The following VPS35 variants were observed in gnomAD, a reference collection of about 807,000 sequenced individuals.
The protein encoded by VPS35 is VPS35 retromer complex component.
Under a neutral mutation model 98.1 loss-of-function variants are expected in VPS35, and 21 were observed. The ratio of observed to expected loss-of-function variants is 0.21; its 90% confidence interval spans 0.15 to 0.31. VPS35 has a LOEUF of 0.31. Among genes scored for constraint, VPS35 ranks in the 10% least tolerant of loss-of-function variants. The probability of loss-of-function intolerance (pLI) is 1.00; values close to 1 mark genes in which losing one functional copy is unlikely to be tolerated. For synonymous variants in VPS35, 268 were observed against 318.2 expected (o/e 0.84, Z 1.68); for missense variants, 554 against 950.8 (o/e 0.58, Z 5.49).
At chr16:46,688,623 A>C (rs1188277503) in intron 1 of VPS35, 2 of 1,003,664 alleles carry the variant, frequency 2.0e-6, no homozygotes, top group African/African-American at 1.7e-5. Context: ...GAAGGCGGGT[A>C]TGAGGCCAAG....
Position 46,677,325 on chromosome 16 carries a change from C to T in VPS35, c.794G>A (p.Cys265Tyr). 1 of 1,613,446 alleles carries T rather than the reference C, an allele frequency of 6.2e-7. No individual in the cohort carries two copies. Among genetic ancestry groups the T allele is most frequent in the Non-Finnish European group, 8.5e-7 (1 of 1,179,520 alleles). The change falls in exon 7 of 17, where the codon TGT (cysteine) becomes TAT (tyrosine). Residue 265 changes from cysteine (C) to tyrosine (Y), a missense_variant. Physicochemically the swap from Cys to Tyr is radical, Grantham distance 194. Transcript: ENST00000299138. ...AATGTTCCCAGCTACCTGAATAATA[C>T]ACTCCATGAGATATTCTTGAGCCAA... ...DALAQEYLMECIIQVFPDEFH... is the reference protein window; with the variant it reads ...DALAQEYLMEYIIQVFPDEFH...
chr16:46,674,210 T>A, intron 10 of VPS35, 104 bp downstream of exon 10: 1 of 1,310,658 alleles, frequency 7.6e-7, no homozygotes. Context: ...AATGCATGAT[T>A]AAAACAAGAC....
chr16:46,663,644 G>A (rs576223674), intron 13 of VPS35, among the ~76,000 whole-genome samples: 1 of 151,828 alleles, frequency 6.6e-6, no homozygotes, highest in South Asian at 2.1e-4. Context: ...TGATCTGCCC[G>A]CCTCAGCCTC....
Position 46,656,197 on chromosome 16 carries a change from C to T in VPS35, c.*4275G>A, listed in dbSNP as rs1965842466. On this transcript the variant is annotated 3_prime_UTR_variant, in exon 17 of 17. Transcript: ENST00000299138. The stretch of plus-strand genomic sequence containing the variant: ...CATACTAGAAGATACGGCTCCTTTC[C>T]AATGCAACGTCTCTGGGTAGGTGGA... The T allele has an allele frequency of 6.6e-6, 1 of 152,106 alleles. No homozygotes were observed. Among genetic ancestry groups the T allele is most frequent in the Non-Finnish European group, 1.5e-5 (1 of 68,036 alleles). The allele number at this position is 152,106 out of a possible 1,614,324, so 9.4% of individuals were successfully genotyped here.
Position 46,676,641 on chromosome 16 carries a change from A to G in VPS35, c.856T>C (p.Cys286Arg). 1 of 1,613,310 alleles carries G rather than the reference A, an allele frequency of 6.2e-7. No individual in the cohort carries two copies. ...TTTACATTCTGGTGTAACTCAGCACAGGCCCGAAGAAAAGGATTCAAAGTC... is the reference window on the plus strand; with the variant it reads ...TTTACATTCTGGTGTAACTCAGCACGGGCCCGAAGAAAAGGATTCAAAGTC... ...LQTLNPFLRA[C>R]AELHQNVNVK... The change falls in exon 8 of 17, where the codon TGT becomes CGT. Residue 286 changes from cysteine (C) to arginine (R), a missense_variant. This residue lies in a region of VPS35 where 254 missense variants were observed against 390.1 expected (regional missense o/e 0.65). Coordinates refer to ENST00000299138, the MANE Select transcript of VPS35 (RefSeq NM_018206.6).
At chr16:46,685,023 G>A (rs1052429297) in intron 1 of VPS35, among the ~76,000 whole-genome samples, 1 of 152,176 alleles carries the variant, frequency 6.6e-6, no homozygotes, top group Admixed American at 6.5e-5. Context: ...GAGAGGCTGA[G>A]GGGAATAATC....
Position 46,662,253 on chromosome 16 carries a change from T to G in VPS35, c.2057A>C (p.Asn686Thr). 1.2e-6 allele frequency: 2 copies of G among 1,614,108 alleles called. No homozygotes were observed. Among genetic ancestry groups the G allele is most frequent in the Non-Finnish European group, 1.7e-6 (2 of 1,180,012 alleles). The change falls in exon 15 of 17, where the codon AAT becomes ACT. Residue 686 changes from asparagine to threonine, a missense_variant. Asn to Thr is a moderately conservative substitution (Grantham distance 65, BLOSUM62 0). Transcript: ENST00000299138. ...LFWSGRNTDK[N>T]GEELHGGKRV... ...CAGGAATGACCTTACCTCCTCCCCA[T>G]TTTTGTCCGTGTTTCTGCCAGACCA...
At chr16:46,673,591 A>C (rs549329070) in intron 10 of VPS35, 4 of 152,560 alleles carry the variant, frequency 2.6e-5, no homozygotes. Flanking sequence ...AGAGGACGCC[A>C]TAAGTCTAGG....
Position 46,661,570 on chromosome 16 carries a change from T to A in VPS35, c.2211+148A>T. ...ACTAGAACATTATGACAAATTAGCC[T>A]ATTATTTGACATCTGTAAATTATTT... On this transcript the variant is annotated intron_variant, in intron 16 of 16. Coordinates refer to ENST00000299138, the MANE Select transcript of VPS35 (RefSeq NM_018206.6). This position sits in a 1 kb window ranked among gnomAD's most constrained non-coding sequence, Gnocchi z 4.3. 2 of 798,930 alleles carry A rather than the reference T, an allele frequency of 2.5e-6. No homozygotes were observed. The highest frequency in any genetic ancestry group is 3.9e-6 in the Non-Finnish European group (2 of 507,052). 49.5% of individuals were successfully genotyped at this position (798,930 alleles called of 1,614,324 possible). A position where few individuals can be genotyped will look rare whatever the true frequency, so the allele number is the denominator to read the frequency against.
Position 46,676,783 on chromosome 16 carries a change from A to G in VPS35, c.805-91T>C, listed in dbSNP as rs1205824321. ...AAGTTCACATTTGTGGGAAAAAAAC[A>G]CTGTATTCTTATACAACTAAATTCA... is the stretch of plus-strand genomic sequence containing the variant. On this transcript the variant is annotated intron_variant, in intron 7 of 16. Transcript: ENST00000299138. 6 of 893,786 alleles carry G rather than the reference A, an allele frequency of 6.7e-6. No homozygotes were observed. In the South Asian group the frequency reaches 6.9e-5, roughly 10 times the overall value. The allele number at this position is 893,786 out of a possible 1,614,324, so 55.4% of individuals were successfully genotyped here. A position where few individuals can be genotyped will look rare whatever the true frequency, so the allele number is the denominator to read the frequency against.
intron 5 of VPS35, among the ~76,000 whole-genome samples, chr16:46,679,908 T>C (rs1966207962): frequency 6.6e-6 from 1 of 151,486 alleles, no homozygotes; most frequent in Non-Finnish European, 1.5e-5. Flanking sequence ...AAATAAATGA[T>C]ATATTAAAAA....
chr16:46,670,217 A>T (rs892020334), intron 12 of VPS35, among the ~76,000 whole-genome samples: 7 of 152,246 alleles, frequency 4.6e-5, no homozygotes, highest in Non-Finnish European at 1.0e-4. Flanking sequence ...CCCTAGGGGC[A>T]GTCAGAGCTA....
rs1375936287 is a variant in VPS35, at chr16:46,661,513, A to G, written c.2211+205T>C. 2 of 504,010 alleles carry G rather than the reference A, an allele frequency of 4.0e-6. No homozygotes were observed. Among genetic ancestry groups the G allele is most frequent in the Non-Finnish European group, 6.8e-6 (2 of 292,294 alleles). 31.2% of individuals were successfully genotyped at this position (504,010 alleles called of 1,614,324 possible). A position where few individuals can be genotyped will look rare whatever the true frequency, so the allele number is the denominator to read the frequency against. On this transcript the variant is annotated intron_variant, in intron 16 of 16. Transcript: ENST00000299138. This position sits in a 1 kb window ranked among gnomAD's most constrained non-coding sequence, Gnocchi z 4.3. ...CCAAAGTGCTGGGATTACAGGCATG[A>G]GCCACCACGCCCAGCCTAGGAATTA...
chr16:46,671,107 CAT>C (rs1966061911), intron 12 of VPS35, among the ~76,000 whole-genome samples: 1 of 151,122 alleles, frequency 6.6e-6, no homozygotes, highest in African/African-American at 2.4e-5. Flanking sequence ...GAGAGAACCT[CAT>C]GTGATTGTTC....
chr16:46,687,012 T>C (rs1203983208), intron 1 of VPS35, among the ~76,000 whole-genome samples: 2 of 152,206 alleles, frequency 1.3e-5, no homozygotes, highest in African/African-American at 4.8e-5. Context: ...TACACCACTG[T>C]TATGAAGAAC....
chr16:46,658,181 G>A lies in VPS35; in HGVS notation c.*2291C>T, dbSNP rs1278973483. The stretch of plus-strand genomic sequence containing the variant: ...CAGGCCAAAGCACTGGCCTCAGAAG[G>A]CTAAATAAACTATTGGACTTGATGT... On this transcript the variant is annotated 3_prime_UTR_variant, in exon 17 of 17. Coordinates refer to ENST00000299138, the MANE Select transcript of VPS35 (RefSeq NM_018206.6). 1 of 153,178 alleles carries A rather than the reference G, an allele frequency of 6.5e-6. No homozygotes were observed. Among genetic ancestry groups the A allele is most frequent in the Non-Finnish European group, 1.5e-5 (1 of 68,042 alleles). The allele number at this position is 153,178 out of a possible 1,614,324, so 9.5% of individuals were successfully genotyped here. A position where few individuals can be genotyped will look rare whatever the true frequency, so the allele number is the denominator to read the frequency against.
At chr16:46,671,477 C>CT (rs899525396) in intron 12 of VPS35, among the ~76,000 whole-genome samples, 67 of 147,412 alleles carry the variant, frequency 4.5e-4, no homozygotes, top group Middle Eastern at 3.4e-3. Context: ...TGCCATGAAT[C>CT]TTTTTTTTTT....
chr16:46,674,675 A>AC lies in VPS35; in HGVS notation c.915-16_915-15insG. 1.3e-6 allele frequency: 2 copies of AC among 1,574,734 alleles called. No homozygotes were observed. The highest frequency in any genetic ancestry group is 1.7e-6 in the Non-Finnish European group (2 of 1,151,836). ...ATAAAGCTAATCTAAAAAAAAAAAA[A>AC]ACACCCCTTTATTTTAAAAGATACA... On this transcript the variant is annotated splice_polypyrimidine_tract_variant and intron_variant, in intron 8 of 16. Transcript: ENST00000299138.
At chr16:46,674,030 A>G (rs757931789) in intron 10 of VPS35, 3 of 418,670 alleles carry the variant, frequency 7.2e-6, no homozygotes, top group African/African-American at 2.0e-5. Flanking sequence ...AGTGCAGCCC[A>G]GGGAAGCCAA....
Sources: gnomAD v4.1 joint callset for allele counts (sites outside exome capture counted in the v4.1 genomes callset) on GRCh38, gnomAD v4.1.1 for gene constraint, gnomAD v4.1.1 regional missense constraint, Gnocchi (gnomAD v3.1) non-coding constraint, MANE v1.5 for transcripts, NCBI Gene and HGNC (gene_info 2026-07-23, HGNC 2026-07-21) for gene names.